BSPH1: variants seen among roughly 807,000 people sequenced by gnomAD.
BSPH1 encodes binder of sperm protein homolog 1, also known as binder of sperm 1.
In BSPH1, 21 loss-of-function variants were observed where a neutral mutation model predicts 22.5. The ratio of observed to expected loss-of-function variants is 0.93; its 90% confidence interval spans 0.66 to 1.35. The LOEUF is 1.35. Among genes scored for constraint, BSPH1 ranks in the 40% most tolerant of loss-of-function variants. The pLI is 0.00. For missense variants in BSPH1, 141 were observed against 154.2 expected, an observed-to-expected ratio of 0.91 and a Z score of 0.45; for synonymous variants, 42 against 53.6, an observed-to-expected ratio of 0.78 and a Z score of 0.95.
chr19:47,990,118 C>CAAAAAAAAAAAAAA (rs11329791), intron 1 of BSPH1, among the ~76,000 whole-genome samples: 1 of 99,648 alleles, frequency 1.0e-5, no homozygotes, highest in African/African-American at 3.7e-5. Context: ...GACTCCATCT[C>CAAAAAAAAAAAAAA]AAAAAAAAAA....
chr19:47,974,733 A>G (rs1969345560), intron 5 of BSPH1, among the ~76,000 whole-genome samples: 1 of 151,912 alleles, frequency 6.6e-6, no homozygotes. Flanking sequence ...TGCTCTTACT[A>G]TCCCTGAATA....
intron 5 of BSPH1, among the ~76,000 whole-genome samples, chr19:47,971,246 C>T (rs1969308507): frequency 6.6e-6 from 1 of 152,098 alleles, no homozygotes; most frequent in East Asian, 1.9e-4. Flanking sequence ...CTCTATCTTC[C>T]AGGCTGGAGT....
intron 1 of BSPH1, among the ~76,000 whole-genome samples, chr19:47,988,411 C>G (rs1445568563): frequency 6.6e-6 from 1 of 152,160 alleles, no homozygotes; most frequent in African/African-American, 2.4e-5. Flanking sequence ...ACATCCAGGA[C>G]TCAAAGTCTT....
In BSPH1 at chr19:47,976,852, A is replaced by G; in HGVS notation, c.259T>C (p.Phe87Leu). 9.7e-6 allele frequency: 15 copies of G among 1,551,082 alleles called. No homozygotes were observed. Among genetic ancestry groups the G allele is most frequent in the Non-Finnish European group, 1.3e-5 (15 of 1,146,818 alleles). ...CAGAAGGGAAATACACAGTTTGCAA[A>G]ATCTGCAGAGGAGGAAGAGGAAGAA... Reference protein sequence around the residue: ...GYWKFCSAEDFANCVFPFWYR... With the variant: ...GYWKFCSAEDLANCVFPFWYR... Residue 87 changes from phenylalanine to leucine, a missense_variant and splice_region_variant, in exon 5 of 6, where the codon TTT becomes CTT. Transcript: ENST00000344839.
At position 47,971,637 on chromosome 19, in the gene BSPH1, C is replaced by G. The variant is rs375834938; in HGVS notation, c.*3-3428G>C. Among the ~76,000 whole-genome samples the G allele has an allele frequency of 1.4e-3, 219 of 152,340 alleles. 4 individuals are homozygous for G. In the South Asian group the frequency reaches 0.043, roughly 30 times the overall value. The stretch of plus-strand genomic sequence containing the variant: ...TTGTTCTAGTCCTCAATATGCCACA[C>G]CTGTTCCTGCATTAGGAACTTTGAC... On this transcript the variant is annotated intron_variant, in intron 5 of 5. Transcript: ENST00000344839.
intron 5 of BSPH1, among the ~76,000 whole-genome samples, chr19:47,974,520 T>C (rs1600085131): frequency 6.6e-6 from 1 of 152,130 alleles, no homozygotes; most frequent in Admixed American, 6.6e-5. Flanking sequence ...TCCTCCTGCC[T>C]CAGCTTCCCA....
At chr19:47,984,190 T>C (rs1245878984) in intron 1 of BSPH1, among the ~76,000 whole-genome samples, 2 of 146,784 alleles carry the variant, frequency 1.4e-5, no homozygotes, top group Non-Finnish European at 3.0e-5. Flanking sequence ...AATATAAATA[T>C]ATATAATATG....
At chr19:47,987,304 C>T (rs554059843) in intron 1 of BSPH1, among the ~76,000 whole-genome samples, 1 of 152,192 alleles carries the variant, frequency 6.6e-6, no homozygotes, top group South Asian at 2.1e-4. Context: ...TGATTAACCC[C>T]GTCCTCGGAA....
At chr19:47,985,631 T>G (rs934860863) in intron 1 of BSPH1, among the ~76,000 whole-genome samples, 2 of 152,028 alleles carry the variant, frequency 1.3e-5, no homozygotes, top group African/African-American at 4.8e-5. Flanking sequence ...GGTCAGGAGT[T>G]CGAGACCAGC....
At position 47,979,150 on chromosome 19, in the gene BSPH1, C is replaced by T. The variant is rs367630468; in HGVS notation, c.124+420G>A. Among the ~76,000 whole-genome samples the T allele has an allele frequency of 9.1e-4, 139 of 151,976 alleles. 3 individuals are homozygous for T. In the South Asian group the frequency reaches 0.028, roughly 30 times the overall value. On this transcript the variant is annotated intron_variant, in intron 3 of 5. Transcript: ENST00000344839. Reference sequence around the variant, plus strand: ...CCTTCTCCTCCTCCTTCTTCTTCTTCCTCTTCTTCTTCCTTCCTCCCTCCT... The same window carrying T: ...CCTTCTCCTCCTCCTTCTTCTTCTTTCTCTTCTTCTTCCTTCCTCCCTCCT...
chr19:47,980,790 A>G, intron 2 of BSPH1, 131 bp downstream of exon 2: 2 of 590,338 alleles, frequency 3.4e-6, no homozygotes, highest in Middle Eastern at 4.0e-4. Flanking sequence ...TACTTTATAT[A>G]TAAGTACATA....
chr19:47,982,019 A>G (rs572213204), intron 1 of BSPH1, among the ~76,000 whole-genome samples: 112 of 152,336 alleles, frequency 7.4e-4, no homozygotes, highest in African/African-American at 2.6e-3. Context: ...TTAGGATGAA[A>G]TACAACATAG....
At chr19:47,976,111 T>A (rs374024166) in intron 5 of BSPH1, among the ~76,000 whole-genome samples, 1 of 152,208 alleles carries the variant, frequency 6.6e-6, no homozygotes, top group Admixed American at 6.5e-5. Context: ...TGAATCTACA[T>A]TGACACATCA....
At chr19:47,984,803 G>A (rs912190711) in intron 1 of BSPH1, among the ~76,000 whole-genome samples, 1 of 152,098 alleles carries the variant, frequency 6.6e-6, no homozygotes, top group Admixed American at 6.5e-5. Context: ...ATGGCCGGGT[G>A]CAGTGGCTCA....
intron 5 of BSPH1, 92 bp downstream of exon 5, chr19:47,976,616 ATG>A: frequency 1.5e-5 from 13 of 880,762 alleles, no homozygotes; most frequent in South Asian, 5.9e-5. Flanking sequence ...ACCCTCTCTA[ATG>A]AGAAAGGGTT....
chr19:47,968,018 C>A (rs1324372648), downstream of BSPH1: 1 of 152,178 alleles, frequency 6.6e-6, no homozygotes, highest in Non-Finnish European at 1.5e-5. Flanking sequence ...ATCACTCTCC[C>A]TGCAAAGATT....
At chr19:47,978,639 G>A (rs564028858) in intron 3 of BSPH1, among the ~76,000 whole-genome samples, 1 of 152,264 alleles carries the variant, frequency 6.6e-6, no homozygotes, top group Non-Finnish European at 1.5e-5. Context: ...AAGGAAAATG[G>A]CAATTAGTCT....
At chr19:47,969,464 G>A (rs1236592884) in intron 5 of BSPH1, among the ~76,000 whole-genome samples, 1 of 152,068 alleles carries the variant, frequency 6.6e-6, no homozygotes, top group Non-Finnish European at 1.5e-5. Context: ...TGATGTATGG[G>A]GGATATTCAA....
chr19:47,980,530 G>A (rs1005893978), intron 2 of BSPH1: 35 of 174,394 alleles, frequency 2.0e-4, no homozygotes, highest in South Asian at 3.9e-4. Flanking sequence ...GTGCAGTGGC[G>A]TGATCTCGGC....
Sources: allele counts gnomAD v4.1 joint callset (sites outside exome capture counted in the v4.1 genomes callset), GRCh38; gene constraint gnomAD v4.1.1; transcripts MANE v1.5; gene names NCBI Gene and HGNC (gene_info 2026-07-23, HGNC 2026-07-21).